The following PMM2 variants were observed in gnomAD, a reference collection of about 807,000 sequenced individuals.
The protein encoded by PMM2 is mannose-6-phosphate isomerase.
PMM2 carries 35 observed loss-of-function variants against 33.2 expected under a neutral mutation model. The observed-to-expected ratio is 1.06, with a 90% CI of 0.81 to 1.40. The LOEUF is 1.40. PMM2 is among the 40% of genes most tolerant of loss of function. The pLI, the probability that PMM2 is intolerant of heterozygous loss-of-function variation, is 0.00. For missense variants in PMM2, 386 were observed against 306.0 expected, an observed-to-expected ratio of 1.26 and a Z score of -1.95; for synonymous variants, 153 against 114.7, an observed-to-expected ratio of 1.33 and a Z score of -2.13.
rs771335903 is a variant in PMM2, at chr16:8,797,856, TGTAAG to T, written c.-24_-20del. On this transcript the variant is annotated 5_prime_UTR_variant, in exon 1 of 8. Transcript: ENST00000268261. ...CCGAGTTCCTCGTGCCAACGTGTCTTGTAAGGTGCGGCTAGAAACTGGGGACATGG... is the reference window on the plus strand; with the variant it reads ...CCGAGTTCCTCGTGCCAACGTGTCTTGTGCGGCTAGAAACTGGGGACATGG... The T allele has an allele frequency of 3.1e-6, 5 of 1,608,716 alleles. No individual in the cohort carries two copies. Among genetic ancestry groups the T allele is most frequent in the Non-Finnish European group, 4.2e-6 (5 of 1,177,796 alleles).
At position 8,847,799 on chromosome 16, in the gene PMM2, A is replaced by G; in HGVS notation, c.715A>G (p.Arg239Gly). Reference protein sequence around the residue: ...YSVTAPEDTRRICELLFS With the variant: ...YSVTAPEDTRGICELLFS ...CGTGACAGCGCCTGAGGACACGCGC[A>G]GGATCTGTGAACTGCTGTTCTCCTA... Residue 239 changes from arginine to glycine, a missense_variant, in exon 8 of 8, where the codon AGG becomes GGG. Physicochemically the swap from Arg to Gly is moderately radical, Grantham distance 125 (BLOSUM62 -2). Transcript: ENST00000268261. 5.6e-6 allele frequency: 9 copies of G among 1,613,624 alleles called. No homozygotes were observed. The highest frequency in any genetic ancestry group is 7.6e-6 in the Non-Finnish European group (9 of 1,179,664).
chr16:8,799,311 T>A (rs2060597782), intron 1 of PMM2, among the ~76,000 whole-genome samples: 1 of 152,172 alleles, frequency 6.6e-6, no homozygotes, highest in East Asian at 1.9e-4. Flanking sequence ...TCAACCTTCC[T>A]CCATCTTTCT....
rs528725956 is a variant in PMM2 at position 8,807,242 on chromosome 16, A to C, written c.347+835A>C. ...GGCTGATATCGAACTCCCAACCTCA[A>C]CTGATCCACCCACCTTGGCCTCCCA... On this transcript the variant is annotated intron_variant, in intron 4 of 7. Transcript: ENST00000268261. Among the ~76,000 whole-genome samples the C allele has an allele frequency of 2.6e-5, 4 of 151,398 alleles. No individual in the cohort carries two copies. In the South Asian group the frequency reaches 8.3e-4, roughly 32 times the overall value.
chr16:8,844,240 C>T lies in PMM2; in HGVS notation c.640-3484C>T, dbSNP rs148300445. On this transcript the variant is annotated intron_variant, in intron 7 of 7. Coordinates refer to ENST00000268261, the MANE Select transcript of PMM2 (RefSeq NM_000303.3). ...TGAAGAGGTTTTAAGTTCTTGAGAA[C>T]ACAGGCTAAGGGAGAAGAAGGAGGA... Among the ~76,000 whole-genome samples the T allele has an allele frequency of 1.1e-3, 169 of 151,730 alleles. 1 individual carries two copies. Among genetic ancestry groups the T allele is most frequent in the Admixed American group, 2.7e-3 (41 of 15,208 alleles).
chr16:8,840,990 A>G (rs2060886539), intron 7 of PMM2, among the ~76,000 whole-genome samples: 1 of 152,068 alleles, frequency 6.6e-6, no homozygotes, highest in Admixed American at 6.6e-5. Context: ...CAAGCAAGAA[A>G]GTGCGTCCAT....
intron 7 of PMM2, chr16:8,832,327 G>T (rs2060815300): frequency 2.0e-6 from 2 of 985,324 alleles, no homozygotes; most frequent in African/African-American, 3.5e-5. Context: ...ACCCAGAGAG[G>T]CTCCTGCAGC....
chr16:8,829,537 G>A (rs866374323), intron 7 of PMM2, among the ~76,000 whole-genome samples: 17 of 152,314 alleles, frequency 1.1e-4, no homozygotes, highest in Admixed American at 2.6e-4. Flanking sequence ...GACAAAACTA[G>A]TCACTATGCT....
chr16:8,838,024 G>A (rs1391553667), intron 7 of PMM2, among the ~76,000 whole-genome samples: 3 of 152,138 alleles, frequency 2.0e-5, no homozygotes, highest in Non-Finnish European at 4.4e-5. Flanking sequence ...TGAGCAACAT[G>A]GCTGTTTATT....
At chr16:8,810,358 A>G (rs4985040) in intron 4 of PMM2, 132,146 of 151,844 alleles carry the variant, frequency 0.87, 58,217 homozygotes, top group East Asian at 0.97. Flanking sequence ...AAACTCTTCT[A>G]GGAAATGACT....
At chr16:8,806,252 G>A (rs1318037125) in intron 3 of PMM2, 64 bp from the exon 4 acceptor site, 1 of 1,040,374 alleles carries the variant, frequency 9.6e-7, no homozygotes. Flanking sequence ...CCCTGGGTTT[G>A]CTATGAAGCT....
chr16:8,804,162 C>T (rs995351829), intron 2 of PMM2, among the ~76,000 whole-genome samples: 7 of 151,062 alleles, frequency 4.6e-5, no homozygotes, highest in African/African-American at 7.3e-5. Context: ...CCTCAGCCTC[C>T]GGAGTAGCTG....
intron 7 of PMM2, among the ~76,000 whole-genome samples, chr16:8,821,984 A>G (rs1356274774): frequency 6.6e-6 from 1 of 152,224 alleles, no homozygotes; most frequent in East Asian, 1.9e-4. Context: ...CACTGCCTAG[A>G]CAAGAGCCGA....
rs1344256673 is a variant in PMM2, at chr16:8,848,127, A to AT, written c.*305dup. The AT allele has an allele frequency of 2.6e-6, 1 of 385,402 alleles. No homozygotes were observed. The highest frequency in any genetic ancestry group is 3.9e-5 in the Admixed American group (1 of 25,518). The allele number at this position is 385,402 out of a possible 1,614,324, so 23.9% of individuals were successfully genotyped here. The stretch of plus-strand genomic sequence containing the variant: ...GTGCAATCATGTAGTTTTGGCGGAA[A>AT]TTTCCCCATCATTCTAGGATGATAC... On this transcript the variant is annotated 3_prime_UTR_variant, in exon 8 of 8. Coordinates refer to ENST00000268261, the MANE Select transcript of PMM2 (RefSeq NM_000303.3).
chr16:8,806,653 G>A, intron 4 of PMM2: 3 of 551,832 alleles, frequency 5.4e-6, no homozygotes, highest in Non-Finnish European at 6.5e-6. Context: ...AGCCACCATG[G>A]GCCAGCGAAT....
At chr16:8,847,695 G>T in intron 7 of PMM2, 29 bp from the exon 8 acceptor site, 1 of 1,508,786 alleles carries the variant, frequency 6.6e-7, no homozygotes, top group Middle Eastern at 1.7e-4. Context: ...ACGAGGGGGA[G>T]CCTTCATCTG....
intron 7 of PMM2, chr16:8,832,076 GCTTTC>G (rs1596499742): frequency 1.1e-6 from 1 of 926,598 alleles, no homozygotes; most frequent in Non-Finnish European, 1.3e-6. Context: ...AGGGCAGCCA[GCTTTC>G]CTTTCATTTC....
At chr16:8,840,969 G>A (rs1393853743) in intron 7 of PMM2, among the ~76,000 whole-genome samples, 1 of 152,020 alleles carries the variant, frequency 6.6e-6, no homozygotes, top group Non-Finnish European at 1.5e-5. Context: ...TGTCTGGGAT[G>A]AGGTTGGGGC....
chr16:8,804,673 T>G, intron 2 of PMM2, 94 bp from the exon 3 acceptor site: 2 of 813,908 alleles, frequency 2.5e-6, no homozygotes, highest in Non-Finnish European at 4.3e-6. Flanking sequence ...TTGCTGGAGT[T>G]TAGCGGTTTT....
intron 6 of PMM2, among the ~76,000 whole-genome samples, chr16:8,812,685 T>G (rs1330916161): frequency 6.6e-6 from 1 of 152,188 alleles, no homozygotes; most frequent in Non-Finnish European, 1.5e-5. Context: ...TGGTATCCGA[T>G]TTTTCATAAG....
Sources: gnomAD v4.1 joint callset for allele counts (sites outside exome capture counted in the v4.1 genomes callset) on GRCh38, gnomAD v4.1.1 for gene constraint, MANE v1.5 for transcripts, NCBI Gene and HGNC (gene_info 2026-07-23, HGNC 2026-07-21) for gene names.